Variants in NRXN1 observed in about 807,000 individuals in gnomAD.
The protein encoded by NRXN1 is neurexin-1.
Under a neutral mutation model 150.9 loss-of-function variants are expected in NRXN1, and 39 were observed. The observed-to-expected ratio is 0.26, with a 90% confidence interval of 0.20 to 0.34. The LOEUF is 0.34. Ranked by LOEUF, NRXN1 falls within the 10% of genes least tolerant of loss-of-function variation. The pLI is 1.00. For missense variants in NRXN1, 1,815 were observed against 1,949.9 expected, an observed-to-expected ratio of 0.93 and a Z score of 1.30; for synonymous variants, 924 against 757.0, an observed-to-expected ratio of 1.22 and a Z score of -3.62.
In NRXN1 at chr2:50,487,677, C is replaced by G. The variant is rs370917379; in HGVS notation, c.3070+8228G>C. On this transcript the variant is annotated intron_variant, in intron 15 of 22. Transcript: ENST00000401669. ...GTACAGTACCCGGGATGGAAGCTGG[C>G]TTTCTTCTGGCGGGGACTGTGTTAT... 2.1e-4 allele frequency among the ~76,000 whole-genome samples: 32 copies of G among 152,286 alleles called. No individual in the cohort carries two copies. The South Asian group carries it at 6.0e-3, about 29-fold the overall frequency.
At chr2:50,547,140 A>G (rs1401678776) in intron 9 of NRXN1, among the ~76,000 whole-genome samples, 2 of 152,136 alleles carry the variant, frequency 1.3e-5, no homozygotes, top group Non-Finnish European at 2.9e-5. Context: ...CTGGAACTCT[A>G]CGACTTCAAT....
At chr2:50,321,455 T>A (rs1558521210) in intron 17 of NRXN1, among the ~76,000 whole-genome samples, 1 of 152,158 alleles carries the variant, frequency 6.6e-6, no homozygotes. Context: ...ACCTTTTCCA[T>A]CCTATGGACC....
intron 21 of NRXN1, among the ~76,000 whole-genome samples, chr2:49,999,941 G>C (rs909008769): frequency 2.6e-5 from 4 of 152,178 alleles, no homozygotes; most frequent in African/African-American, 4.8e-5. Flanking sequence ...GTGGAATGAA[G>C]CTGTGGAAGA....
At chr2:50,019,881 G>A (rs904533515) in intron 21 of NRXN1, among the ~76,000 whole-genome samples, 1 of 144,898 alleles carries the variant, frequency 6.9e-6, no homozygotes, top group Admixed American at 7.0e-5. Context: ...CCGGGAGGCG[G>A]AGCTTGCAGT....
intron 17 of NRXN1, among the ~76,000 whole-genome samples, chr2:50,299,323 T>A (rs2073934060): frequency 6.6e-6 from 1 of 152,112 alleles, no homozygotes; most frequent in South Asian, 2.1e-4. Context: ...CATATATGCA[T>A]CCAGTCCTCT....
At chr2:50,452,697 G>A (rs1458431127) in intron 17 of NRXN1, among the ~76,000 whole-genome samples, 1 of 152,194 alleles carries the variant, frequency 6.6e-6, no homozygotes, top group African/African-American at 2.4e-5. Context: ...AGAATGTCAT[G>A]TGAAGAATAT....
chr2:50,694,499 T>C (rs967224816), intron 5 of NRXN1, among the ~76,000 whole-genome samples: 2 of 152,200 alleles, frequency 1.3e-5, no homozygotes, highest in Admixed American at 1.3e-4. Flanking sequence ...TAACCTTCTA[T>C]ATTTGTTAGT....
chr2:50,842,739 T>C (rs1054812692), intron 5 of NRXN1, among the ~76,000 whole-genome samples: 1 of 152,148 alleles, frequency 6.6e-6, no homozygotes, highest in African/African-American at 2.4e-5. Flanking sequence ...ATGGGATGAC[T>C]TTTCATAGAA....
chr2:51,002,935 T>C (rs1700253406), intron 2 of NRXN1, among the ~76,000 whole-genome samples: 1 of 151,950 alleles, frequency 6.6e-6, no homozygotes, highest in Non-Finnish European at 1.5e-5. Flanking sequence ...TTTTCAAAGG[T>C]ATTTTCATTT....
chr2:50,443,460 C>T (rs2086142114), intron 17 of NRXN1, among the ~76,000 whole-genome samples: 1 of 152,118 alleles, frequency 6.6e-6, no homozygotes. Flanking sequence ...AGCTCATGTT[C>T]TTATTATCTG....
At chr2:50,586,871 T>G (rs72884064) in intron 8 of NRXN1, among the ~76,000 whole-genome samples, 3,542 of 152,298 alleles carry the variant, frequency 0.023, 119 homozygotes, top group African/African-American at 0.079. Context: ...GTAATTAGCT[T>G]TATGAAAATA....
chr2:50,496,050 G>A lies in NRXN1; in HGVS notation c.2925C>T (p.Ile975=), dbSNP rs1198721887. 1 of 1,611,740 alleles carries A rather than the reference G, an allele frequency of 6.2e-7. No individual in the cohort carries two copies. The highest frequency in any genetic ancestry group is 1.1e-5 in the South Asian group (1 of 90,618). ...VFDLGNGANL[I]KGSSNKPLND... ...TGAGAGGTTTATTTGAGCTTCCTTT[G>A]ATGAGGTTAGCACCATTTCCCAAAT... The change falls in exon 15 of 23, where the codon ATC becomes ATT. Residue 975 remains isoleucine (I), a synonymous_variant. Coordinates refer to ENST00000401669, the MANE Select transcript of NRXN1 (RefSeq NM_001330078.2).
intron 15 of NRXN1, among the ~76,000 whole-genome samples, chr2:50,478,909 T>C (rs1391747943): frequency 6.6e-6 from 1 of 152,184 alleles, no homozygotes; most frequent in Admixed American, 6.5e-5. Flanking sequence ...GTTGTTTCGT[T>C]TTCATTCCCA....
In NRXN1 at chr2:50,398,035, G is replaced by GA. The variant is rs1360291626; in HGVS notation, c.3364+67406dup. Among the ~76,000 whole-genome samples, 16 of 152,084 alleles carry GA rather than the reference G, an allele frequency of 1.1e-4. No homozygotes were observed. In the South Asian group the frequency reaches 3.1e-3, roughly 30 times the overall value. On this transcript the variant is annotated intron_variant, in intron 17 of 22. Transcript: ENST00000401669. ...TTCACATTAGAAAGGAAGAATGTTG[G>GA]AAAAAAACATCATATTTGGTTTAAA...
chr2:50,813,803 A>G (rs1668552850), intron 5 of NRXN1, among the ~76,000 whole-genome samples: 3 of 152,168 alleles, frequency 2.0e-5, no homozygotes. Flanking sequence ...CCCCACTAAA[A>G]AGTTATCATG....
At chr2:49,970,213 C>T (rs1210168767) in intron 21 of NRXN1, 1 of 151,790 alleles carries the variant, frequency 6.6e-6, no homozygotes, top group African/African-American at 2.4e-5. Flanking sequence ...TGTGGCTTAA[C>T]CCACAGATCA....
chr2:51,016,522 A>G (rs956912602), intron 2 of NRXN1, among the ~76,000 whole-genome samples: 7 of 152,214 alleles, frequency 4.6e-5, no homozygotes, highest in African/African-American at 9.6e-5. Context: ...ATCACTGGTC[A>G]TTAGAGAAAT....
At chr2:50,083,589 A>G (rs1698299555) in intron 19 of NRXN1, among the ~76,000 whole-genome samples, 1 of 152,166 alleles carries the variant, frequency 6.6e-6, no homozygotes, top group Non-Finnish European at 1.5e-5. Context: ...ACAACACGCA[A>G]GAGGACCCCA....
intron 21 of NRXN1, among the ~76,000 whole-genome samples, chr2:50,005,699 T>A (rs1336768666): frequency 6.6e-6 from 1 of 152,162 alleles, no homozygotes; most frequent in Non-Finnish European, 1.5e-5. Context: ...ATAGAGTTTT[T>A]AATATTCTCT....
Sources: gnomAD v4.1 joint callset for allele counts (sites outside exome capture counted in the v4.1 genomes callset) on GRCh38, gnomAD v4.1.1 for gene constraint, MANE v1.5 for transcripts, NCBI Gene and HGNC (gene_info 2026-07-23, HGNC 2026-07-21) for gene names.